DAB1: variants seen among roughly 807,000 people sequenced by gnomAD.
The protein encoded by DAB1 is disabled homolog 1.
Under a neutral mutation model 64.6 loss-of-function variants are expected in DAB1, and 15 were observed. The observed-to-expected ratio is 0.23, with a 90% CI of 0.16 to 0.36. The LOEUF is 0.36. Among genes scored for constraint, DAB1 ranks in the 10% least tolerant of loss-of-function variants. The probability of loss-of-function intolerance (pLI) is 1.00; values close to 1 mark genes in which losing one functional copy is unlikely to be tolerated. For missense variants in DAB1, 596 were observed against 706.7 expected (o/e 0.84, Z 1.78); for synonymous variants, 235 against 251.9 (o/e 0.93, Z 0.64).
intron 7 of DAB1, among the ~76,000 whole-genome samples, chr1:57,606,566 A>G (rs1570668434): frequency 8.8e-6 from 1 of 114,148 alleles, no homozygotes; most frequent in Non-Finnish European, 1.7e-5. Context: ...ATTATATATT[A>G]TATATGAAAT....
intron 7 of DAB1, among the ~76,000 whole-genome samples, chr1:57,539,239 C>A (rs1644766884): frequency 6.6e-6 from 1 of 152,136 alleles, no homozygotes; most frequent in Admixed American, 6.5e-5. Context: ...CCATTGTTGC[C>A]TTGGGTGATT....
intron 9 of DAB1, among the ~76,000 whole-genome samples, chr1:57,049,475 A>AAAAAAAAAAAAAG (rs1168729578): frequency 7.0e-6 from 1 of 142,816 alleles, no homozygotes; most frequent in Non-Finnish European, 1.5e-5. Context: ...AAAAAAAAAA[A>AAAAAAAAAAAAAG]AAGAAGTTAG....
intron 4 of DAB1, among the ~76,000 whole-genome samples, chr1:57,093,592 T>C (rs1418440048): frequency 6.6e-6 from 1 of 152,174 alleles, no homozygotes; most frequent in Non-Finnish European, 1.5e-5. Flanking sequence ...GGATATTGCA[T>C]GTAAAATATA....
chr1:57,105,780 T>C (rs1167820893), intron 4 of DAB1, among the ~76,000 whole-genome samples: 2 of 152,210 alleles, frequency 1.3e-5, no homozygotes, highest in Non-Finnish European at 2.9e-5. Flanking sequence ...CGTTTTCTTC[T>C]TTTATTTCCT....
chr1:57,188,206 C>G (rs1663784808), intron 2 of DAB1, among the ~76,000 whole-genome samples: 1 of 152,106 alleles, frequency 6.6e-6, no homozygotes, highest in Non-Finnish European at 1.5e-5. Flanking sequence ...CTGCACCGTG[C>G]CTGATTAGAG....
rs900413774 is a variant in DAB1, at chr1:58,255,749, A to G, written n.309+87603T>C. Among the ~76,000 whole-genome samples the G allele has an allele frequency of 2.0e-5, 3 of 152,206 alleles. No homozygotes were observed. In the East Asian group the frequency reaches 5.8e-4, roughly 29 times the overall value. ...CAAGAAAGTCCTTTTGCCAGATAAA[A>G]GGAAGGAGTACTGGGGAGACAAAAT... is the stretch of plus-strand genomic sequence containing the variant. On this transcript the variant is annotated intron_variant and non_coding_transcript_variant, in intron 4 of 20. Coordinates refer to the DAB1 transcript ENST00000485760.
intron 5 of DAB1, among the ~76,000 whole-genome samples, chr1:57,945,432 T>C (rs1463999167): frequency 9.6e-6 from 1 of 103,866 alleles, no homozygotes; most frequent in Non-Finnish European, 1.8e-5. Flanking sequence ...CTAATTGTTA[T>C]TATTATTATT....
chr1:57,905,811 A>T (rs1644542287), intron 5 of DAB1, among the ~76,000 whole-genome samples: 1 of 152,204 alleles, frequency 6.6e-6, no homozygotes, highest in Non-Finnish European at 1.5e-5. Context: ...GGGAGGTAGG[A>T]GGAAAACCTG....
At chr1:57,622,230 T>A (rs1043118881) in intron 7 of DAB1, among the ~76,000 whole-genome samples, 1 of 152,130 alleles carries the variant, frequency 6.6e-6, no homozygotes, top group Non-Finnish European at 1.5e-5. Flanking sequence ...GAGGAGAGAC[T>A]CTTACTTCGG....
chr1:57,810,313 G>A (rs540362712), intron 6 of DAB1, among the ~76,000 whole-genome samples: 1 of 152,272 alleles, frequency 6.6e-6, no homozygotes, highest in South Asian at 2.1e-4. Context: ...AGAGGAGGAT[G>A]GCACAGGGTG....
At chr1:57,517,595 AC>A (rs1277160558) in intron 7 of DAB1, among the ~76,000 whole-genome samples, 3 of 152,242 alleles carry the variant, frequency 2.0e-5, no homozygotes, top group Admixed American at 6.5e-5. Context: ...CCTCCAGGTT[AC>A]TAAAGCAAAT....
intron 3 of DAB1, among the ~76,000 whole-genome samples, chr1:58,435,618 G>C (rs924562372): frequency 1.3e-5 from 2 of 151,950 alleles, no homozygotes; most frequent in Admixed American, 1.3e-4. Flanking sequence ...TCATCCCCTC[G>C]TCCTGGAATT....
chr1:57,972,662 T>C (rs531971015), intron 5 of DAB1, among the ~76,000 whole-genome samples: 9 of 152,360 alleles, frequency 5.9e-5, no homozygotes, highest in African/African-American at 2.2e-4. Flanking sequence ...AGGTCTTCTC[T>C]TGAGATGGCC....
intron 7 of DAB1, among the ~76,000 whole-genome samples, chr1:57,574,878 T>G (rs1052568957): frequency 1.3e-5 from 2 of 152,196 alleles, no homozygotes; most frequent in Non-Finnish European, 2.9e-5. Context: ...ACAGCCCTAA[T>G]CTTTAGGACT....
intron 4 of DAB1, among the ~76,000 whole-genome samples, chr1:58,179,889 T>G (rs1570453604): frequency 6.6e-6 from 1 of 152,166 alleles, no homozygotes; most frequent in East Asian, 1.9e-4. Context: ...TCTACATCAT[T>G]GAATTCAGCC....
intron 1 of DAB1, chr1:58,539,459 A>G: frequency 1.7e-6 from 1 of 579,266 alleles, no homozygotes; most frequent in Non-Finnish European, 3.0e-6. Context: ...CCCCTAGAGC[A>G]ACGCCTTTCA....
rs79258540 is a variant in DAB1, at chr1:58,179,137, A to G, written n.310-28549T>C. Among the ~76,000 whole-genome samples, 1,012 of 151,454 alleles carry G rather than the reference A, an allele frequency of 6.7e-3. 12 individuals carry two copies. Among genetic ancestry groups the G allele is most frequent in the African/African-American group, 0.024 (982 of 41,376 alleles). On this transcript the variant is annotated intron_variant and non_coding_transcript_variant, in intron 4 of 20. Coordinates refer to the DAB1 transcript ENST00000485760. ...GTATTAATATGGTATATTATGTTAA[A>G]TGATTTATGGATGTTAAACCAATCT...
chr1:57,300,036 G>A (rs547487900), intron 1 of DAB1, among the ~76,000 whole-genome samples: 4 of 151,990 alleles, frequency 2.6e-5, no homozygotes, highest in East Asian at 3.9e-4. Context: ...CTGTCTCCCC[G>A]GCAGGCCTTA....
chr1:57,190,298 GCCA>G (rs1456652676), intron 2 of DAB1, among the ~76,000 whole-genome samples: 1 of 152,176 alleles, frequency 6.6e-6, no homozygotes, highest in African/African-American at 2.4e-5. Flanking sequence ...TAGGGAAGAA[GCCA>G]GCATCAGCTG....
Sources: gnomAD v4.1 joint callset for allele counts (sites outside exome capture counted in the v4.1 genomes callset) on GRCh38, gnomAD v4.1.1 for gene constraint, MANE v1.5 for transcripts, NCBI Gene and HGNC (gene_info 2026-07-23, HGNC 2026-07-21) for gene names.